The following PRKCG variants were observed in gnomAD, a reference collection of about 807,000 sequenced individuals.
PRKCG encodes protein kinase C gamma type.
A neutral mutation model predicts 82.0 loss-of-function variants in PRKCG; 28 were observed. The ratio of observed to expected loss-of-function variants is 0.34; its 90% CI spans 0.25 to 0.47. The LOEUF (loss-of-function observed/expected upper bound fraction) is 0.47, where lower values mean the gene tolerates loss of function less well. Ranked by LOEUF, PRKCG falls within the 20% of genes least tolerant of loss-of-function variation. PRKCG has a pLI of 1.00. For synonymous variants in PRKCG, 383 were observed against 376.6 expected (o/e 1.02, Z -0.20); for missense variants, 640 against 952.7 (o/e 0.67, Z 4.32).
intron 11 of PRKCG, among the ~76,000 whole-genome samples, chr19:53,898,973 T>TG (rs1409314969): frequency 1.0e-4 from 2 of 19,378 alleles, no homozygotes; most frequent in South Asian, 1.7e-3. Context: ...ATGAAATCTT[T>TG]GGGGGGGTGG....
chr19:53,899,864 G>A (rs1055982360), intron 11 of PRKCG, among the ~76,000 whole-genome samples: 3 of 152,360 alleles, frequency 2.0e-5, no homozygotes, highest in African/African-American at 7.2e-5. Flanking sequence ...TGGGATTACA[G>A]GCGTGAGCCA....
rs751435795 is a variant in PRKCG at position 53,898,034 on chromosome 19, T to A, written c.1015T>A (p.Phe339Ile). ...TCCCACCGACCCCAAGCGCTGCTTC[T>A]TCGGGGCGAGTCCAGGACGCCTGCA... ...PSPTDPKRCF[F>I]GASPGRLHIS... is the part of the protein sequence containing the mutation. The change falls in exon 10 of 18, where the codon TTC becomes ATC. Residue 339 changes from phenylalanine (F) to isoleucine (I), a missense_variant. This residue lies in a region of PRKCG where 261 missense variants were observed against 312.1 expected (regional missense o/e 0.84). Transcript: ENST00000263431. 5.0e-6 allele frequency: 8 copies of A among 1,614,034 alleles called. No individual in the cohort carries two copies. Among genetic ancestry groups the A allele is most frequent in the African/African-American group, 2.7e-5 (2 of 74,924 alleles).
Position 53,904,742 on chromosome 19 carries a change from G to A in PRKCG, c.1764G>A (p.Gly588=). 1 of 1,612,644 alleles carries A rather than the reference G, an allele frequency of 6.2e-7. No homozygotes were observed. The highest frequency in any genetic ancestry group is 8.5e-7 in the Non-Finnish European group (1 of 1,179,302). ...LSREAVAICK[G]FLTKHPGKRL... Reference sequence around the variant, plus strand: ...GGGAAGCCGTGGCCATCTGCAAGGGGGTGAGAGCCCCCTGACTCCCAGCTT... The same window carrying A: ...GGGAAGCCGTGGCCATCTGCAAGGGAGTGAGAGCCCCCTGACTCCCAGCTT... The change falls in exon 16 of 18, where the codon GGG becomes GGA. Residue 588 remains glycine (G), a splice_region_variant and synonymous_variant. Transcript: ENST00000263431.
chr19:53,888,768 A>G (rs2068650141), intron 3 of PRKCG, among the ~76,000 whole-genome samples: 1 of 152,096 alleles, frequency 6.6e-6, no homozygotes, highest in Non-Finnish European at 1.5e-5. Context: ...CCATATGGAC[A>G]CTGACAGAAG....
At chr19:53,894,000 G>A (rs927040846) in intron 9 of PRKCG, among the ~76,000 whole-genome samples, 11 of 151,934 alleles carry the variant, frequency 7.2e-5, no homozygotes, top group Admixed American at 3.9e-4. Flanking sequence ...CAGGTGATCC[G>A]CCTGCCTTGG....
chr19:53,906,912 T>A lies in PRKCG; in HGVS notation c.*17T>A, dbSNP rs1161404593. The A allele has an allele frequency of 6.2e-7, 1 of 1,613,108 alleles. No individual in the cohort carries two copies. Among genetic ancestry groups the A allele is most frequent in the African/African-American group, 1.3e-5 (1 of 74,834 alleles). On this transcript the variant is annotated 3_prime_UTR_variant, in exon 18 of 18. Coordinates refer to ENST00000263431, the MANE Select transcript of PRKCG (RefSeq NM_002739.5). ...GTCATGTAATCTCACCCGCCGCCAC[T>A]AGGTGTCCCCAACGTCCCCTCCGCC... is the stretch of plus-strand genomic sequence containing the variant.
intron 11 of PRKCG, among the ~76,000 whole-genome samples, chr19:53,899,582 C>T (rs1348731594): frequency 6.6e-6 from 1 of 150,832 alleles, no homozygotes; most frequent in African/African-American, 2.5e-5. Flanking sequence ...GTATGAGCAA[C>T]TTTGATTCCT....
At position 53,900,205 on chromosome 19, in the gene PRKCG, G is replaced by C; in HGVS notation, c.1282-28G>C. The C allele has an allele frequency of 6.3e-7, 1 of 1,598,426 alleles. No homozygotes were observed. The highest frequency in any genetic ancestry group is 8.6e-7 in the Non-Finnish European group (1 of 1,165,812). On this transcript the variant is annotated intron_variant, in intron 11 of 17. Coordinates refer to ENST00000263431, the MANE Select transcript of PRKCG (RefSeq NM_002739.5). This position sits in a 1 kb window ranked among gnomAD's most constrained non-coding sequence, Gnocchi z 4.2. The stretch of plus-strand genomic sequence containing the variant: ...CTCCTACTCTGGGTAGATGGATCCC[G>C]CCTCTAAGCCCATGCACTTCTCCGC...
In PRKCG at chr19:53,892,767, CA is replaced by C; in HGVS notation, c.821+125del. 8.2e-7 allele frequency: 1 copy of C among 1,213,014 alleles called. No individual in the cohort carries two copies. The highest frequency in any genetic ancestry group is 1.2e-6 in the Non-Finnish European group (1 of 869,500). The allele number at this position is 1,213,014 out of a possible 1,614,324, so 75.1% of individuals were successfully genotyped here. On this transcript the variant is annotated intron_variant, in intron 7 of 17. Transcript: ENST00000263431. The surrounding 1 kb of genome is among the most constrained non-coding windows in gnomAD (Gnocchi z 5.9). Reference sequence around the variant, plus strand: ...CCCAGCATGCGCACACACACACACACACACACACACACACGCACACACACGC... The same window carrying C: ...CCCAGCATGCGCACACACACACACACCACACACACACACGCACACACACGC...
chr19:53,884,647 A>G lies in PRKCG; in HGVS notation c.285+404A>G, dbSNP rs1359850664. Among the ~76,000 whole-genome samples, 1 of 152,136 alleles carries G rather than the reference A, an allele frequency of 6.6e-6. No homozygotes were observed. Among genetic ancestry groups the G allele is most frequent in the African/African-American group, 2.4e-5 (1 of 41,422 alleles). Reference sequence around the variant, plus strand: ...CAGAGACAGAAGAAGACAGAGACCTAGGAGAGACTGAAGCTGAGGCAGAGA... The same window carrying G: ...CAGAGACAGAAGAAGACAGAGACCTGGGAGAGACTGAAGCTGAGGCAGAGA... On this transcript the variant is annotated intron_variant, in intron 3 of 17. Coordinates refer to ENST00000263431, the MANE Select transcript of PRKCG (RefSeq NM_002739.5). This position sits in a 1 kb window ranked among gnomAD's most constrained non-coding sequence, Gnocchi z 4.6.
intron 16 of PRKCG, among the ~76,000 whole-genome samples, chr19:53,906,078 C>CTTCTTCTT (rs1568763958): frequency 4.1e-4 from 18 of 43,766 alleles, no homozygotes; most frequent in Middle Eastern, 0.017. Flanking sequence ...TCCTCCTCCT[C>CTTCTTCTT]CTCCTCCTTC....
intron 14 of PRKCG, among the ~76,000 whole-genome samples, chr19:53,901,471 G>C (rs955143578): frequency 8.6e-5 from 13 of 150,814 alleles, no homozygotes; most frequent in African/African-American, 2.9e-4. Context: ...TTGAACCGGG[G>C]AGGCGGAGGT....
intron 5 of PRKCG, among the ~76,000 whole-genome samples, chr19:53,890,718 A>AT (rs1184633400): frequency 6.7e-6 from 1 of 149,176 alleles, no homozygotes; most frequent in Non-Finnish European, 1.5e-5. Context: ...AGTAGCTGGA[A>AT]TTACAGGCGC....
In PRKCG at chr19:53,897,967, G is replaced by T. The variant is rs2068729409; in HGVS notation, c.948G>T (p.Arg316=). 1 of 1,613,944 alleles carries T rather than the reference G, an allele frequency of 6.2e-7. No homozygotes were observed. Among genetic ancestry groups the T allele is most frequent in the African/African-American group, 1.3e-5 (1 of 74,882 alleles). Residue 316 remains arginine (R), a synonymous_variant, in exon 10 of 18, where the codon CGG becomes CGT. Coordinates refer to ENST00000263431, the MANE Select transcript of PRKCG (RefSeq NM_002739.5). ...CTTTCTCCTTTCCACAGCGGGTGCGGATGGGCCCCTCTTCCTCTCCCATCC... is the reference window on the plus strand; with the variant it reads ...CTTTCTCCTTTCCACAGCGGGTGCGTATGGGCCCCTCTTCCTCTCCCATCC... ...NYPLELYERV[R]MGPSSSPIPS...
intron 14 of PRKCG, among the ~76,000 whole-genome samples, chr19:53,901,272 G>A (rs527567010): frequency 2.6e-5 from 4 of 152,214 alleles, no homozygotes; most frequent in East Asian, 3.9e-4. Flanking sequence ...AGCTGGGCGC[G>A]GTGGCTCACA....
Position 53,893,953 on chromosome 19 carries a change from C to T in PRKCG, c.939+562C>T, listed in dbSNP as rs1031180081. ...TTTATTTTTAGTAGAGATGGGATTT[C>T]GCCATGTTGGCCAGGCTGATCTCAA... On this transcript the variant is annotated intron_variant, in intron 9 of 17. Transcript: ENST00000263431. 8.6e-5 allele frequency among the ~76,000 whole-genome samples: 13 copies of T among 151,780 alleles called. No homozygotes were observed. The East Asian group carries it at 1.2e-3, about 14-fold the overall frequency.
At position 53,904,337 on chromosome 19, in the gene PRKCG, A is replaced by G. The variant is rs1331700554; in HGVS notation, c.1657-298A>G. On this transcript the variant is annotated intron_variant, in intron 15 of 17. Transcript: ENST00000263431. ...TTTCCTGCAGTTTTTCCTCTCTTCT[A>G]TTTAACTGACATGTTGCATAATTAA... is the stretch of plus-strand genomic sequence containing the variant. 6.6e-5 allele frequency among the ~76,000 whole-genome samples: 10 copies of G among 150,884 alleles called. No homozygotes were observed. The East Asian group carries it at 1.5e-3, about 23-fold the overall frequency.
chr19:53,900,680 T>C lies in PRKCG; in HGVS notation c.1506T>C (p.Cys502=). Residue 502 remains cysteine (C), a synonymous_variant, in exon 14 of 18, where the codon TGT becomes TGC. Coordinates refer to ENST00000263431, the MANE Select transcript of PRKCG (RefSeq NM_002739.5). This position sits in a 1 kb window ranked among gnomAD's most constrained non-coding sequence, Gnocchi z 4.2. ...TCAAGATCACTGACTTTGGCATGTG[T>C]AAGGAGAACGTCTTCCCCGGGACGA... The part of the protein sequence containing the change: ...GHIKITDFGM[C]KENVFPGTTT... 6.2e-7 allele frequency: 1 copy of C among 1,614,208 alleles called. No homozygotes were observed. The highest frequency in any genetic ancestry group is 8.5e-7 in the Non-Finnish European group (1 of 1,180,048).
chr19:53,893,823 G>A (rs1020448206), intron 9 of PRKCG, among the ~76,000 whole-genome samples: 3 of 150,764 alleles, frequency 2.0e-5, no homozygotes, highest in Non-Finnish European at 3.0e-5. Context: ...GCACAATCTC[G>A]CCTCACTGCA....
Sources: allele counts gnomAD v4.1 joint callset (sites outside exome capture counted in the v4.1 genomes callset), GRCh38; gene constraint gnomAD v4.1.1; regional missense constraint gnomAD v4.1.1; non-coding constraint Gnocchi (gnomAD v3.1); transcripts MANE v1.5; gene names NCBI Gene and HGNC (gene_info 2026-07-23, HGNC 2026-07-21).